The following CRAMP1 variants were observed in gnomAD, a reference collection of about 807,000 sequenced individuals.
CRAMP1 encodes protein cramped-like.
A neutral mutation model predicts 115.4 loss-of-function variants in CRAMP1; 50 were observed. That is an observed-to-expected ratio of 0.43 (90% CI 0.35 to 0.55). The LOEUF is 0.55. CRAMP1 is among the 20% of genes least tolerant of loss of function. CRAMP1 has a pLI of 0.01. For missense variants in CRAMP1, 1,679 were observed against 1,721.7 expected (o/e 0.98, Z 0.44); for synonymous variants, 866 against 745.4 (o/e 1.16, Z -2.64).
At chr16:1,663,951 C>T (rs1393038408) in intron 13 of CRAMP1, among the ~76,000 whole-genome samples, 2 of 152,194 alleles carry the variant, frequency 1.3e-5, no homozygotes, top group Non-Finnish European at 2.9e-5. Flanking sequence ...TAAAATATTT[C>T]CTGCCTGGCC....
chr16:1,654,750 C>T (rs370190251), intron 8 of CRAMP1, among the ~76,000 whole-genome samples: 8 of 152,388 alleles, frequency 5.2e-5, no homozygotes, highest in African/African-American at 1.7e-4. Flanking sequence ...CGGAATCACA[C>T]GCAGAGGCCT....
intron 3 of CRAMP1, among the ~76,000 whole-genome samples, chr16:1,629,253 C>T (rs193010956): frequency 9.3e-5 from 14 of 150,572 alleles, no homozygotes; most frequent in African/African-American, 3.5e-4. Context: ...TGTTCCCCTT[C>T]TCTGTCCCCA....
intron 2 of CRAMP1, among the ~76,000 whole-genome samples, 190 bp downstream of exon 2, chr16:1,615,175 A>G (rs1022611315): frequency 2.6e-5 from 4 of 152,194 alleles, no homozygotes; most frequent in African/African-American, 9.7e-5. Context: ...GCGACTTTCT[A>G]TATTTAAACT....
chr16:1,622,933 G>A (rs1006150201), intron 2 of CRAMP1, among the ~76,000 whole-genome samples: 3 of 151,906 alleles, frequency 2.0e-5, no homozygotes, highest in African/African-American at 7.3e-5. Flanking sequence ...GGCTAATTTT[G>A]TATATTTAGT....
chr16:1,628,444 G>A (rs1297063478), intron 3 of CRAMP1, among the ~76,000 whole-genome samples: 3 of 152,174 alleles, frequency 2.0e-5, no homozygotes, highest in South Asian at 2.1e-4. Context: ...ATTACAGACC[G>A]AGTTTCGCCA....
rs1466295769 is a variant in CRAMP1, at chr16:1,614,947, G to C, written c.308G>C (p.Gly103Ala). 2 of 1,268,868 alleles carry C rather than the reference G, an allele frequency of 1.6e-6. No homozygotes were observed. The highest frequency in any genetic ancestry group is 3.4e-5 in the South Asian group (1 of 29,164). 78.6% of individuals were successfully genotyped at this position (1,268,868 alleles called of 1,614,324 possible). ...AGGAAGGATCCTCCGAGCGCTGTGG[G>C]GAGCGGCAACGCCGGTGGCTCGGGG... is the stretch of plus-strand genomic sequence containing the variant. Reference protein sequence around the residue: ...RPRKDPPSAVGSGNAGGSGPR... With the variant: ...RPRKDPPSAVASGNAGGSGPR... Residue 103 changes from glycine to alanine, a missense_variant, in exon 2 of 21, where the codon GGG (glycine) becomes GCG (alanine). Gly to Ala is a moderately conservative substitution (Grantham distance 60). Transcript: ENST00000397412. This position sits in a 1 kb window ranked among gnomAD's most constrained non-coding sequence, Gnocchi z 4.4.
chr16:1,668,893 G>T, intron 18 of CRAMP1, 108 bp from the exon 19 acceptor site: 1 of 1,024,088 alleles, frequency 9.8e-7, no homozygotes, highest in Non-Finnish European at 1.5e-6. Context: ...TGGTTCAGCA[G>T]GGTAGAGCCC....
chr16:1,666,075 A>G lies in CRAMP1; in HGVS notation c.2755A>G (p.Arg919Gly). The change falls in exon 15 of 21, where the codon AGA becomes GGA. Residue 919 changes from arginine (R) to glycine (G), a missense_variant and splice_region_variant. By Grantham distance (125) the Arg-to-Gly change is moderately radical. Around this residue, in one of 8 missense-constraint regions of CRAMP1, gnomAD observed 709 missense variants for 741.9 expected, o/e 0.96. Transcript: ENST00000397412. The surrounding 1 kb of genome is among the most constrained non-coding windows in gnomAD (Gnocchi z 5.0). ...TGCTTTTGCCCTCGCCCTCGCAGGG[A>G]GAGGTTCGTTCCGGCCCATCCAGTC... is the stretch of plus-strand genomic sequence containing the variant. Reference protein sequence around the residue: ...SILSNSSVTGRGSFRPIQSSL... With the variant: ...SILSNSSVTGGGSFRPIQSSL... The G allele has an allele frequency of 6.2e-7, 1 of 1,603,780 alleles. No individual in the cohort carries two copies.
chr16:1,659,430 G>C (rs933791485), intron 10 of CRAMP1, among the ~76,000 whole-genome samples: 1 of 151,762 alleles, frequency 6.6e-6, no homozygotes, highest in African/African-American at 2.4e-5. Context: ...TTGCTCTGTA[G>C]TCCAGGCTGG....
chr16:1,638,558 G>A (rs1195109493), intron 5 of CRAMP1, among the ~76,000 whole-genome samples: 4 of 152,194 alleles, frequency 2.6e-5, no homozygotes, highest in African/African-American at 9.7e-5. Context: ...CGACCTCTAG[G>A]TAGGGACATT....
chr16:1,614,866 C>T lies in CRAMP1; in HGVS notation c.227C>T (p.Pro76Leu). 4 of 1,327,600 alleles carry T rather than the reference C, an allele frequency of 3.0e-6. No homozygotes were observed. The highest frequency in any genetic ancestry group is 3.9e-6 in the Non-Finnish European group (4 of 1,037,530). 82.2% of individuals were successfully genotyped at this position (1,327,600 alleles called of 1,614,324 possible). Reference sequence around the variant, plus strand: ...GCGCCGTCCCCGCCGCAGGGCAGCCCCCAGGACCAGCACCACTTCCTCCGG... The same window carrying T: ...GCGCCGTCCCCGCCGCAGGGCAGCCTCCAGGACCAGCACCACTTCCTCCGG... ...PQAPSPPQGS[P>L]QDQHHFLRSS... Residue 76 changes from proline (P) to leucine (L), a missense_variant, in exon 2 of 21, where the codon CCC becomes CTC. By Grantham distance (98) the Pro-to-Leu change is moderately conservative. Coordinates refer to ENST00000397412, the MANE Select transcript of CRAMP1 (RefSeq NM_020825.4). The surrounding 1 kb of genome is among the most constrained non-coding windows in gnomAD (Gnocchi z 4.4).
At chr16:1,632,537 C>T (rs549990508) in intron 4 of CRAMP1, among the ~76,000 whole-genome samples, 172 bp downstream of exon 4, 101 of 152,398 alleles carry the variant, frequency 6.6e-4, no homozygotes, top group African/African-American at 2.1e-3. Flanking sequence ...CTGTCTAACT[C>T]GGTCAAACCA....
chr16:1,656,609 A>C lies in CRAMP1; in HGVS notation c.1852A>C (p.Arg618=). Residue 618 remains arginine (R), a synonymous_variant, in exon 10 of 21, where the codon AGG becomes CGG. Transcript: ENST00000397412. The surrounding 1 kb of genome is among the most constrained non-coding windows in gnomAD (Gnocchi z 5.6). The part of the protein sequence containing the change: ...ADLAPTGPSP[R]PGPGLLLDVC... ...CCTTGCTCCCACTGGCCCATCCCCG[A>C]GGCCCGGCCCCGGGCTCCTGCTGGA... is the stretch of plus-strand genomic sequence containing the variant. 1 of 1,573,868 alleles carries C rather than the reference A, an allele frequency of 6.4e-7. No individual in the cohort carries two copies. Among genetic ancestry groups the C allele is most frequent in the Non-Finnish European group, 8.6e-7 (1 of 1,160,676 alleles).
At chr16:1,673,332 CTCA>C (rs1477129581) in intron 20 of CRAMP1, among the ~76,000 whole-genome samples, 2 of 151,612 alleles carry the variant, frequency 1.3e-5, no homozygotes, top group Non-Finnish European at 2.9e-5. Context: ...CCCACCTGTC[CTCA>C]TGTCTGTGAC....
chr16:1,641,067 T>A, intron 5 of CRAMP1, 72 bp from the exon 6 acceptor site: 1 of 1,039,816 alleles, frequency 9.6e-7, no homozygotes, highest in Non-Finnish European at 1.5e-6. Context: ...TGAGCGGAAT[T>A]GTATGGGAAT....
intron 3 of CRAMP1, among the ~76,000 whole-genome samples, chr16:1,629,476 C>T (rs2036531883): frequency 6.6e-6 from 1 of 152,240 alleles, no homozygotes. Flanking sequence ...ACTGAGAATA[C>T]AGAAAAGCTT....
rs772688359 is a variant in CRAMP1 at position 1,641,128 on chromosome 16, T to C, written c.779-11T>C. 2 of 1,601,956 alleles carry C rather than the reference T, an allele frequency of 1.2e-6. No individual in the cohort carries two copies. Among genetic ancestry groups the C allele is most frequent in the South Asian group, 1.1e-5 (1 of 90,676 alleles). On this transcript the variant is annotated splice_polypyrimidine_tract_variant and intron_variant, in intron 5 of 20. Coordinates refer to ENST00000397412, the MANE Select transcript of CRAMP1 (RefSeq NM_020825.4). ...ATTGTGGTCTCATTTATTTATTTTT[T>C]CCATTTAAAGGTATGGATGACAAGA...
intron 16 of CRAMP1, 110 bp from the exon 17 acceptor site, chr16:1,667,225 A>G: frequency 1.3e-6 from 1 of 792,236 alleles, no homozygotes; most frequent in African/African-American, 1.7e-5. Flanking sequence ...CTCTGCTGTT[A>G]GGAGGCCAGG....
At chr16:1,670,565 A>AGGGCTT in intron 19 of CRAMP1, 99 bp from the exon 20 acceptor site, 1 of 1,335,264 alleles carries the variant, frequency 7.5e-7, no homozygotes, top group South Asian at 1.3e-5. Flanking sequence ...GGCCGGGGCT[A>AGGGCTT]GGGCTTGGGC....
Sources: gnomAD v4.1 joint callset for allele counts (sites outside exome capture counted in the v4.1 genomes callset) on GRCh38, gnomAD v4.1.1 for gene constraint, gnomAD v4.1.1 regional missense constraint, Gnocchi (gnomAD v3.1) non-coding constraint, MANE v1.5 for transcripts, NCBI Gene and HGNC (gene_info 2026-07-23, HGNC 2026-07-21) for gene names.